The following CSMD3 variants were observed in gnomAD, a reference collection of about 807,000 sequenced individuals.
CSMD3 encodes the protein CUB and sushi domain-containing protein 3.
CSMD3 carries 177 observed loss-of-function variants against 435.2 expected under a neutral mutation model. The ratio of observed to expected loss-of-function variants is 0.41; its 90% CI spans 0.36 to 0.46. CSMD3 has a LOEUF of 0.46. Among genes scored for constraint, CSMD3 ranks in the 20% least tolerant of loss-of-function variants. The probability of loss-of-function intolerance (pLI) is 0.34; values close to 1 mark genes in which losing one functional copy is unlikely to be tolerated. For synonymous variants in CSMD3, 1,656 were observed against 1,520.5 expected (o/e 1.09, Z -2.07); for missense variants, 4,265 against 4,504.6 (o/e 0.95, Z 1.52).
intron 3 of CSMD3, among the ~76,000 whole-genome samples, chr8:113,197,682 C>G (rs1564416237): frequency 6.6e-6 from 1 of 151,086 alleles, no homozygotes; most frequent in African/African-American, 2.4e-5. Flanking sequence ...CCAAGCTTTT[C>G]TATAGAAAAT....
At chr8:112,971,501 A>G (rs2084656598) in intron 7 of CSMD3, among the ~76,000 whole-genome samples, 1 of 152,128 alleles carries the variant, frequency 6.6e-6, no homozygotes, top group African/African-American at 2.4e-5. Context: ...GGCACTTCCA[A>G]TCATTACTAT....
At chr8:112,892,000 TATCC>T (rs1055709677) in intron 10 of CSMD3, among the ~76,000 whole-genome samples, 1 of 151,568 alleles carries the variant, frequency 6.6e-6, no homozygotes, top group African/African-American at 2.4e-5. Context: ...TTATGATCTT[TATCC>T]ATCTGGGATT....
rs74862203 is a variant in CSMD3, at chr8:112,613,895, G to A, written c.3715+22922C>T. Among the ~76,000 whole-genome samples the A allele has an allele frequency of 7.0e-3, 1,068 of 152,214 alleles. 17 individuals are homozygous for A. The highest frequency in any genetic ancestry group is 0.024 in the African/African-American group (1,004 of 41,526). On this transcript the variant is annotated intron_variant, in intron 22 of 70. Coordinates refer to ENST00000297405, the MANE Select transcript of CSMD3 (RefSeq NM_198123.2). ...CCCAGCACTTTGGGAGTCCAAGGTCGGAGGATTGCTTGAGGCCTAGAGTTT... is the reference window on the plus strand; with the variant it reads ...CCCAGCACTTTGGGAGTCCAAGGTCAGAGGATTGCTTGAGGCCTAGAGTTT...
intron 32 of CSMD3, among the ~76,000 whole-genome samples, chr8:112,442,361 G>A (rs1815122902): frequency 1.3e-5 from 2 of 152,252 alleles, no homozygotes; most frequent in African/African-American, 2.4e-5. Flanking sequence ...AGCATGAAGT[G>A]TAGTAGAAAA....
At chr8:112,865,516 T>C (rs74320270) in intron 10 of CSMD3, among the ~76,000 whole-genome samples, 8 of 152,282 alleles carry the variant, frequency 5.3e-5, no homozygotes, top group Non-Finnish European at 1.0e-4. Flanking sequence ...CTCTTTCCAC[T>C]AACTTACTTG....
chr8:112,310,629 T>C (rs910356948), intron 50 of CSMD3: 6 of 341,394 alleles, frequency 1.8e-5, no homozygotes, highest in South Asian at 1.3e-4. Context: ...CCCATTCTTA[T>C]TCTCTATTAC....
intron 32 of CSMD3, among the ~76,000 whole-genome samples, chr8:112,410,918 G>C: frequency 6.7e-6 from 1 of 150,176 alleles, no homozygotes; most frequent in East Asian, 2.0e-4. Context: ...GCCCAAAAAG[G>C]CTCTTGGCAT....
At chr8:113,426,543 A>G (rs2094636842) in intron 1 of CSMD3, among the ~76,000 whole-genome samples, 1 of 151,444 alleles carries the variant, frequency 6.6e-6, no homozygotes, top group Non-Finnish European at 1.5e-5. Context: ...GCTAAAATAT[A>G]TATTTGAGAA....
At chr8:112,771,131 A>G (rs2078102680) in intron 13 of CSMD3, among the ~76,000 whole-genome samples, 1 of 152,118 alleles carries the variant, frequency 6.6e-6, no homozygotes, top group Non-Finnish European at 1.5e-5. Context: ...TTGTCTGGAA[A>G]TAGAGAAAAA....
intron 22 of CSMD3, among the ~76,000 whole-genome samples, chr8:112,590,544 G>A (rs780613799): frequency 2.5e-4 from 38 of 152,160 alleles, no homozygotes; most frequent in Non-Finnish European, 3.5e-4. Context: ...GTAGATCTCC[G>A]AGGATGTTTA....
intron 24 of CSMD3, among the ~76,000 whole-genome samples, chr8:112,559,952 A>G (rs1586683046): frequency 6.6e-6 from 1 of 151,768 alleles, no homozygotes; most frequent in Non-Finnish European, 1.5e-5. Context: ...GAGAAAAAAA[A>G]CTTTTACTTG....
At chr8:112,390,273 C>A (rs1036274393) in intron 36 of CSMD3, among the ~76,000 whole-genome samples, 12 of 152,158 alleles carry the variant, frequency 7.9e-5, no homozygotes, top group African/African-American at 2.9e-4. Context: ...AGGGCTGTTA[C>A]GCCTAGAGCT....
intron 3 of CSMD3, among the ~76,000 whole-genome samples, chr8:113,231,217 C>A (rs1184359189): frequency 6.6e-6 from 1 of 151,020 alleles, no homozygotes; most frequent in Non-Finnish European, 1.5e-5. Flanking sequence ...TATAGTTATA[C>A]CTTGGTTGTC....
In CSMD3 at chr8:112,645,132, G is replaced by A; in HGVS notation, c.3287C>T (p.Thr1096Ile). 1 of 1,583,210 alleles carries A rather than the reference G, an allele frequency of 6.3e-7. No individual in the cohort carries two copies. Among genetic ancestry groups the A allele is most frequent in the African/African-American group, 1.3e-5 (1 of 74,392 alleles). ...FYPNSLNCTW[T>I]VDVTHGKGVQ... is the part of the protein sequence containing the mutation. ...ACCTTTTCCATGGGTTACATCAACA[G>A]TCCATGTACAATTCAGAGAATTTGG... Residue 1096 changes from threonine to isoleucine, a missense_variant, in exon 20 of 71, where the codon ACT (threonine) becomes ATT (isoleucine). Physicochemically the swap from Thr to Ile is moderately conservative, Grantham distance 89. This residue lies in a region of CSMD3 where 3,255 missense variants were observed against 3,380.2 expected (regional missense o/e 0.96). Transcript: ENST00000297405.
chr8:112,685,706 G>C lies in CSMD3; in HGVS notation c.2182C>G (p.Pro728Ala), dbSNP rs778178478. Residue 728 changes from proline (P) to alanine (A), a missense_variant, in exon 15 of 71, where the codon CCA (proline) becomes GCA (alanine). By Grantham distance (27) the Pro-to-Ala change is conservative (BLOSUM62 -1). Coordinates refer to ENST00000297405, the MANE Select transcript of CSMD3 (RefSeq NM_198123.2). Reference protein sequence around the residue: ...IFPCLSNFTAPMGTVLSPDYP... With the variant: ...IFPCLSNFTAAMGTVLSPDYP... ...TCAGGAGAAAGAACTGTTCCCATTGGTGCAGTAAAGTTAGACAGGCAGGGA... is the reference window on the plus strand; with the variant it reads ...TCAGGAGAAAGAACTGTTCCCATTGCTGCAGTAAAGTTAGACAGGCAGGGA... 6.2e-7 allele frequency: 1 copy of C among 1,611,832 alleles called. No homozygotes were observed.
intron 5 of CSMD3, among the ~76,000 whole-genome samples, chr8:113,024,268 G>A (rs1475592999): frequency 1.3e-5 from 2 of 151,264 alleles, no homozygotes; most frequent in Non-Finnish European, 2.9e-5. Context: ...TCTTAAGGCT[G>A]CATAGTATTC....
chr8:112,507,592 G>A (rs573273021), intron 28 of CSMD3, among the ~76,000 whole-genome samples: 125 of 152,164 alleles, frequency 8.2e-4, no homozygotes, highest in African/African-American at 2.7e-3. Context: ...TCAGTACATC[G>A]GCATTCTTCT....
chr8:112,803,880 G>A (rs2079018176), intron 12 of CSMD3, among the ~76,000 whole-genome samples: 1 of 152,176 alleles, frequency 6.6e-6, no homozygotes, highest in African/African-American at 2.4e-5. Context: ...ACAGGATACA[G>A]TGTGGAGTTC....
At chr8:112,783,786 G>A (rs947348257) in intron 13 of CSMD3, among the ~76,000 whole-genome samples, 2 of 151,418 alleles carry the variant, frequency 1.3e-5, no homozygotes, top group Admixed American at 6.6e-5. Context: ...AAAAGCAGGA[G>A]TGGCTATACT....
Sources: allele counts gnomAD v4.1 joint callset (sites outside exome capture counted in the v4.1 genomes callset), GRCh38; gene constraint gnomAD v4.1.1; regional missense constraint gnomAD v4.1.1; transcripts MANE v1.5; gene names NCBI Gene and HGNC (gene_info 2026-07-23, HGNC 2026-07-21).